Variants in ADGRB3 observed in about 807,000 individuals in gnomAD.
ADGRB3 encodes brain-specific angiogenesis inhibitor 3.
A neutral mutation model predicts 193.4 loss-of-function variants in ADGRB3; 37 were observed. That is an observed-to-expected ratio of 0.19 (90% CI 0.15 to 0.25). The LOEUF is 0.25. ADGRB3 is among the 10% of genes least tolerant of loss of function. The pLI, the probability that ADGRB3 is intolerant of heterozygous loss-of-function variation, is 1.00. For synonymous variants in ADGRB3, 690 were observed against 644.2 expected, an observed-to-expected ratio of 1.07 and a Z score of -1.08; for missense variants, 1,637 against 1,852.9, an observed-to-expected ratio of 0.88 and a Z score of 2.14.
chr6:69,308,435 A>C (rs1768110209), intron 20 of ADGRB3, among the ~76,000 whole-genome samples: 1 of 149,100 alleles, frequency 6.7e-6, no homozygotes, highest in Admixed American at 6.6e-5. Flanking sequence ...TGAAGTATAA[A>C]TATTTGGATT....
intron 3 of ADGRB3, among the ~76,000 whole-genome samples, chr6:68,699,392 A>G (rs1030589570): frequency 1.2e-4 from 18 of 152,282 alleles, no homozygotes; most frequent in African/African-American, 4.1e-4. Flanking sequence ...TAAAACAGAA[A>G]TAATTCTTGG....
intron 3 of ADGRB3, among the ~76,000 whole-genome samples, chr6:68,773,089 C>T (rs1766671378): frequency 6.6e-6 from 1 of 151,578 alleles, no homozygotes; most frequent in Non-Finnish European, 1.5e-5. Flanking sequence ...GCACTCCAGC[C>T]TGGAAACAGA....
intron 3 of ADGRB3, among the ~76,000 whole-genome samples, chr6:68,868,573 G>A (rs1385600812): frequency 6.6e-6 from 1 of 152,100 alleles, no homozygotes; most frequent in African/African-American, 2.4e-5. Flanking sequence ...CTATACAGTA[G>A]TTTCACAACA....
At chr6:68,854,561 C>CTT (rs142268314) in intron 3 of ADGRB3, among the ~76,000 whole-genome samples, 1 of 151,438 alleles carries the variant, frequency 6.6e-6, no homozygotes, top group East Asian at 1.9e-4. Flanking sequence ...AAAAGCTTGT[C>CTT]TTTTTTTTGG....
rs372044855 is a variant in ADGRB3, at chr6:69,155,508, C to A, written c.2481-77782C>A. On this transcript the variant is annotated intron_variant, in intron 17 of 31. Coordinates refer to ENST00000370598, the MANE Select transcript of ADGRB3 (RefSeq NM_001704.3). ...TTTTGTTCTTTATCAAGATACTTTG[C>A]AAACTCTAGATTATTACAAAGTTTA... Among the ~76,000 whole-genome samples the A allele has an allele frequency of 2.7e-4, 41 of 152,280 alleles. 1 individual carries two copies. The highest frequency in any genetic ancestry group is 9.4e-4 in the African/African-American group (39 of 41,554).
intron 3 of ADGRB3, among the ~76,000 whole-genome samples, chr6:68,834,404 A>G (rs945618879): frequency 6.6e-6 from 1 of 152,166 alleles, no homozygotes; most frequent in Non-Finnish European, 1.5e-5. Context: ...AAAATGGGAT[A>G]TTATTAAGAG....
chr6:68,863,616 C>T (rs1023568701), intron 3 of ADGRB3, among the ~76,000 whole-genome samples: 13 of 152,140 alleles, frequency 8.5e-5, no homozygotes, highest in Middle Eastern at 3.4e-3. Flanking sequence ...AAGTACAGTA[C>T]ATAAAAGGCA....
chr6:69,052,082 G>A (rs1381333940), intron 15 of ADGRB3, among the ~76,000 whole-genome samples: 2 of 152,090 alleles, frequency 1.3e-5, no homozygotes, highest in Non-Finnish European at 2.9e-5. Flanking sequence ...TAGGGATGGG[G>A]TTTCACCATG....
At chr6:68,865,614 T>C (rs912923480) in intron 3 of ADGRB3, among the ~76,000 whole-genome samples, 1 of 152,020 alleles carries the variant, frequency 6.6e-6, no homozygotes, top group South Asian at 2.1e-4. Flanking sequence ...ACTGCAGGGG[T>C]CCCTTTATCT....
intron 16 of ADGRB3, among the ~76,000 whole-genome samples, chr6:69,067,964 T>C (rs1221762271): frequency 1.3e-5 from 2 of 152,142 alleles, no homozygotes; most frequent in African/African-American, 4.8e-5. Flanking sequence ...AAGAGTCAGA[T>C]CGTAAAGAAT....
chr6:69,025,523 CTT>C (rs5877186), intron 13 of ADGRB3, among the ~76,000 whole-genome samples: 478 of 139,594 alleles, frequency 3.4e-3, no homozygotes, highest in African/African-American at 4.1e-3. Flanking sequence ...CACAATTTAA[CTT>C]TTTTTTTTTT....
intron 17 of ADGRB3, among the ~76,000 whole-genome samples, chr6:69,205,226 T>A (rs1765511199): frequency 6.6e-6 from 1 of 152,102 alleles, no homozygotes; most frequent in South Asian, 2.1e-4. Context: ...TTTAACTCAA[T>A]TCACCTGGGG....
chr6:68,787,706 T>C (rs905578264), intron 3 of ADGRB3, among the ~76,000 whole-genome samples: 17 of 152,188 alleles, frequency 1.1e-4, no homozygotes, highest in African/African-American at 3.1e-4. Flanking sequence ...TTTCTATTGA[T>C]TGGAATAGTT....
rs559631574 is a variant in ADGRB3 at position 69,130,578 on chromosome 6, G to GCC, written c.2480+54545_2480+54546dup. ...TTAGTCAATTCAAAATAGAAATTCA[G>GCC]CCCCCCGACTGGGCTCCTTTTTTTT... On this transcript the variant is annotated intron_variant, in intron 17 of 31. Transcript: ENST00000370598. Among the ~76,000 whole-genome samples, 153 of 150,312 alleles carry GCC rather than the reference G, an allele frequency of 1.0e-3. No individual in the cohort carries two copies. In the Middle Eastern group the frequency reaches 0.01, roughly 10 times the overall value.
At chr6:68,861,474 A>G (rs1765152737) in intron 3 of ADGRB3, among the ~76,000 whole-genome samples, 2 of 152,032 alleles carry the variant, frequency 1.3e-5, no homozygotes, top group African/African-American at 4.8e-5. Context: ...AGGCAGGAGA[A>G]TGGCGTGAAC....
chr6:68,987,903 G>A (rs188547377), intron 10 of ADGRB3, among the ~76,000 whole-genome samples: 235 of 152,226 alleles, frequency 1.5e-3, no homozygotes, highest in Admixed American at 5.0e-3. Flanking sequence ...TAAAATTTCT[G>A]AATTCATTTG....
chr6:69,164,371 GA>G (rs79703202), intron 17 of ADGRB3, among the ~76,000 whole-genome samples: 18 of 145,096 alleles, frequency 1.2e-4, no homozygotes, highest in South Asian at 4.4e-4. Context: ...TGTCAAGTTA[GA>G]AAAAAAAAAG....
At chr6:68,815,330 T>C (rs1582224157) in intron 3 of ADGRB3, among the ~76,000 whole-genome samples, 1 of 152,318 alleles carries the variant, frequency 6.6e-6, no homozygotes. Context: ...TTATTTAGTT[T>C]TGAATTCTTA....
At chr6:68,781,535 A>G (rs979712417) in intron 3 of ADGRB3, among the ~76,000 whole-genome samples, 1 of 152,136 alleles carries the variant, frequency 6.6e-6, no homozygotes, top group Non-Finnish European at 1.5e-5. Context: ...GTGGGCTCCT[A>G]AGAGTAAAGG....
Sources: gnomAD v4.1 joint callset for allele counts (sites outside exome capture counted in the v4.1 genomes callset) on GRCh38, gnomAD v4.1.1 for gene constraint, MANE v1.5 for transcripts, NCBI Gene and HGNC (gene_info 2026-07-23, HGNC 2026-07-21) for gene names.